ZFHX3: variants seen among roughly 807,000 people sequenced by gnomAD.
The protein encoded by ZFHX3 is zinc finger homeobox 3.
ZFHX3 carries 42 observed loss-of-function variants against 279.1 expected under a neutral mutation model. The observed-to-expected ratio is 0.15, with a 90% CI of 0.12 to 0.19. The LOEUF (loss-of-function observed/expected upper bound fraction) is 0.19. ZFHX3 is among the 10% of genes least tolerant of loss of function. ZFHX3 has a pLI of 1.00. For synonymous variants in ZFHX3, 2,293 were observed against 1,957.8 expected, an observed-to-expected ratio of 1.17 and a Z score of -4.52; for missense variants, 4,981 against 4,754.0, an observed-to-expected ratio of 1.05 and a Z score of -1.40.
intron 2 of ZFHX3, among the ~76,000 whole-genome samples, chr16:73,570,807 CT>C (rs1202128899): frequency 6.6e-6 from 1 of 151,988 alleles, no homozygotes; most frequent in Non-Finnish European, 1.5e-5. Context: ...TAAAATCAGT[CT>C]AATTTTTATT....
chr16:72,954,667 G>A (rs1030378257), intron 2 of ZFHX3, among the ~76,000 whole-genome samples: 1 of 152,182 alleles, frequency 6.6e-6, no homozygotes, highest in Non-Finnish European at 1.5e-5. Context: ...CTTTCTTGGT[G>A]CTATGCTAAA....
intron 2 of ZFHX3, among the ~76,000 whole-genome samples, chr16:73,530,976 A>G (rs929170698): frequency 1.3e-5 from 2 of 152,162 alleles, no homozygotes; most frequent in Non-Finnish European, 2.9e-5. Flanking sequence ...GAAAACCTAA[A>G]AGTTGTTTTT....
intron 4 of ZFHX3, among the ~76,000 whole-genome samples, chr16:73,283,910 C>T (rs1167724199): frequency 1.3e-5 from 2 of 152,162 alleles, no homozygotes; most frequent in African/African-American, 4.8e-5. Context: ...GATCGTACCA[C>T]TGCACTCCAG....
chr16:73,067,868 AC>A (rs1391135521), intron 8 of ZFHX3, among the ~76,000 whole-genome samples: 1 of 152,162 alleles, frequency 6.6e-6, no homozygotes, highest in Non-Finnish European at 1.5e-5. Flanking sequence ...TCTCTATTCC[AC>A]GGACCAAGGG....
chr16:73,576,249 A>G (rs1324143157), intron 2 of ZFHX3, among the ~76,000 whole-genome samples: 1 of 152,194 alleles, frequency 6.6e-6, no homozygotes, highest in Admixed American at 6.5e-5. Flanking sequence ...AGCAGGGCCC[A>G]CATCAATCAA....
At chr16:73,482,940 A>G (rs1469260513) in intron 2 of ZFHX3, among the ~76,000 whole-genome samples, 2 of 152,248 alleles carry the variant, frequency 1.3e-5, no homozygotes, top group African/African-American at 4.8e-5. Context: ...GGAAAAAATT[A>G]TATTCAAAAC....
intron 7 of ZFHX3, among the ~76,000 whole-genome samples, chr16:73,097,369 A>G (rs1317445487): frequency 6.6e-6 from 1 of 151,072 alleles, no homozygotes; most frequent in Non-Finnish European, 1.5e-5. Flanking sequence ...AGCCTGGCCT[A>G]GAAAGATTTC....
chr16:73,123,908 C>T (rs761262117), intron 7 of ZFHX3, among the ~76,000 whole-genome samples: 2 of 152,020 alleles, frequency 1.3e-5, no homozygotes, highest in Non-Finnish European at 2.9e-5. Flanking sequence ...CATGAGATAC[C>T]AAATTTGCCA....
At chr16:73,216,474 C>T (rs2012213030) in intron 5 of ZFHX3, among the ~76,000 whole-genome samples, 1 of 152,220 alleles carries the variant, frequency 6.6e-6, no homozygotes, top group African/African-American at 2.4e-5. Context: ...TTATATCCAT[C>T]TCCCTCAAAA....
At chr16:73,408,658 G>A (rs1193518183) in intron 3 of ZFHX3, among the ~76,000 whole-genome samples, 2 of 152,134 alleles carry the variant, frequency 1.3e-5, no homozygotes, top group African/African-American at 4.8e-5. Context: ...GCTGAACTTG[G>A]GGCCCTCTAG....
chr16:73,751,424 T>G (rs146252003), intron 1 of ZFHX3, among the ~76,000 whole-genome samples: 1 of 152,220 alleles, frequency 6.6e-6, no homozygotes, highest in African/African-American at 2.4e-5. Context: ...TTCTAGTTTT[T>G]AAAAATATGC....
upstream of ZFHX3, among the ~76,000 whole-genome samples, chr16:73,051,257 G>C (rs967029875): frequency 2.0e-5 from 3 of 152,296 alleles, no homozygotes; most frequent in Admixed American, 6.5e-5. Flanking sequence ...GAAAAATCCA[G>C]AAGAGGGCAA....
At chr16:73,751,674 T>C (rs1597095008) in intron 1 of ZFHX3, among the ~76,000 whole-genome samples, 2 of 152,328 alleles carry the variant, frequency 1.3e-5, no homozygotes, top group South Asian at 2.1e-4. Flanking sequence ...ATCTTCTCAT[T>C]GTTCAGAAAT....
intron 1 of ZFHX3, among the ~76,000 whole-genome samples, chr16:73,693,501 G>A (rs527290518): frequency 1.3e-5 from 2 of 151,776 alleles, no homozygotes; most frequent in East Asian, 1.9e-4. Context: ...TCCCAGCACC[G>A]CGGCAGGCAA....
rs766113421 is a variant in ZFHX3, at chr16:72,929,239, T to TA, written c.3216+21229dup. Among the ~76,000 whole-genome samples the TA allele has an allele frequency of 5.4e-3, 629 of 116,838 alleles. 2 individuals are homozygous for TA. The highest frequency in any genetic ancestry group is 8.6e-3 in the African/African-American group (270 of 31,414). The allele number at this position is 116,838 out of a possible 152,430, so 76.7% of individuals were successfully genotyped here. On this transcript the variant is annotated intron_variant, in intron 3 of 9. Transcript: ENST00000268489. ...GGCGACAGAGCCGCCAGACCCTGTC[T>TA]AAAAAAAAAAAAAAAAAAGAGTGAG...
intron 1 of ZFHX3, among the ~76,000 whole-genome samples, chr16:73,759,824 G>A (rs552027968): frequency 6.6e-6 from 1 of 151,608 alleles, no homozygotes; most frequent in Non-Finnish European, 1.5e-5. Context: ...ATTTTCCAAA[G>A]GCAGAATTTT....
intron 1 of ZFHX3, among the ~76,000 whole-genome samples, chr16:73,758,491 T>G (rs974532043): frequency 6.6e-6 from 1 of 152,152 alleles, no homozygotes; most frequent in Non-Finnish European, 1.5e-5. Flanking sequence ...GATAACAGGG[T>G]GGCTCATAAG....
intron 2 of ZFHX3, among the ~76,000 whole-genome samples, chr16:73,565,521 C>CTCAAGGTTT (rs2020438776): frequency 6.6e-6 from 1 of 152,134 alleles, no homozygotes; most frequent in South Asian, 2.1e-4. Flanking sequence ...ACCTCGAATA[C>CTCAAGGTTT]TCAAGGTTTT....
chr16:73,512,979 A>T (rs1253466545), intron 2 of ZFHX3, among the ~76,000 whole-genome samples: 1 of 152,204 alleles, frequency 6.6e-6, no homozygotes, highest in African/African-American at 2.4e-5. Context: ...GACAAATGGA[A>T]ATGCCATCAT....
Sources: gnomAD v4.1 joint callset for allele counts (sites outside exome capture counted in the v4.1 genomes callset) on GRCh38, gnomAD v4.1.1 for gene constraint, MANE v1.5 for transcripts, NCBI Gene and HGNC (gene_info 2026-07-23, HGNC 2026-07-21) for gene names.